The following NBEA variants were observed in gnomAD, a reference collection of about 807,000 sequenced individuals.
NBEA encodes neurobeachin.
In NBEA, 44 loss-of-function variants were observed where a neutral mutation model predicts 343.4. The ratio of observed to expected loss-of-function variants is 0.13; its 90% CI spans 0.10 to 0.16. NBEA has a LOEUF of 0.16. NBEA is among the 10% of genes least tolerant of loss of function. The probability of loss-of-function intolerance (pLI) is 1.00; values close to 1 mark genes in which losing one functional copy is unlikely to be tolerated. For missense variants in NBEA, 2,555 were observed against 3,631.3 expected (o/e 0.70, Z 7.62); for synonymous variants, 1,175 against 1,238.7 (o/e 0.95, Z 1.08).
At chr13:35,158,426 A>T (rs1348542051) in intron 21 of NBEA, among the ~76,000 whole-genome samples, 1 of 152,134 alleles carries the variant, frequency 6.6e-6, no homozygotes, top group Admixed American at 6.6e-5. Flanking sequence ...AAAGAAAAAG[A>T]CATTGCAGGT....
At position 35,590,713 on chromosome 13, in the gene NBEA, C is replaced by G. The variant is rs961858215; in HGVS notation, c.7177-2615C>G. ...AAACCTAGAGACAAGCCTGATCCCTCTAAATTAATCTCTGCCCACTACCTA... is the reference window on the plus strand; with the variant it reads ...AAACCTAGAGACAAGCCTGATCCCTGTAAATTAATCTCTGCCCACTACCTA... On this transcript the variant is annotated intron_variant, in intron 46 of 58. Transcript: ENST00000379939. 3.7e-4 allele frequency among the ~76,000 whole-genome samples: 57 copies of G among 152,210 alleles called. 1 individual carries two copies. The highest frequency in any genetic ancestry group is 1.3e-3 in the African/African-American group (54 of 41,536).
chr13:35,264,495 G>A (rs1317157508), intron 34 of NBEA, among the ~76,000 whole-genome samples: 1 of 151,838 alleles, frequency 6.6e-6, no homozygotes, highest in Non-Finnish European at 1.5e-5. Flanking sequence ...GCAAAAATCT[G>A]CAACAAAATA....
chr13:35,615,501 G>A (rs1359720575), intron 48 of NBEA, among the ~76,000 whole-genome samples: 5 of 151,848 alleles, frequency 3.3e-5, no homozygotes, highest in Admixed American at 6.6e-5. Flanking sequence ...GCACCACCAC[G>A]CCCGGCTAAT....
At chr13:35,431,969 A>T (rs1333802595) in intron 38 of NBEA, among the ~76,000 whole-genome samples, 1 of 152,114 alleles carries the variant, frequency 6.6e-6, no homozygotes. Context: ...TTTGTTACTA[A>T]ACTCCACATG....
At chr13:35,076,559 C>A (rs2064127063) in intron 10 of NBEA, among the ~76,000 whole-genome samples, 1 of 151,988 alleles carries the variant, frequency 6.6e-6, no homozygotes, top group Non-Finnish European at 1.5e-5. Flanking sequence ...GTTTTCAACA[C>A]TTAATTTTTC....
intron 38 of NBEA, among the ~76,000 whole-genome samples, chr13:35,389,423 T>C (rs1160998816): frequency 6.6e-6 from 1 of 152,192 alleles, no homozygotes; most frequent in Non-Finnish European, 1.5e-5. Flanking sequence ...TCCTTTATTA[T>C]TTAAATTCTA....
At chr13:34,951,202 CAT>C (rs3043036) in intron 1 of NBEA, among the ~76,000 whole-genome samples, 57,523 of 151,722 alleles carry the variant, frequency 0.38, 11,476 homozygotes, top group East Asian at 0.49. Flanking sequence ...TATGATATAA[CAT>C]GTGGCAACAA....
chr13:35,668,338 T>G (rs555629975), intron 57 of NBEA, 30 bp from the exon 58 acceptor site: 85 of 1,542,208 alleles, frequency 5.5e-5, no homozygotes, highest in African/African-American at 1.4e-4. Context: ...TTTTGTTTTT[T>G]TTTGTTTGTT....
chr13:35,644,958 G>C (rs983179519), intron 49 of NBEA, among the ~76,000 whole-genome samples: 2 of 152,204 alleles, frequency 1.3e-5, no homozygotes, highest in Non-Finnish European at 2.9e-5. Flanking sequence ...TGCCTCTGCA[G>C]ATAAAAGAAC....
At chr13:35,348,459 C>T (rs2040003304) in intron 36 of NBEA, among the ~76,000 whole-genome samples, 1 of 151,988 alleles carries the variant, frequency 6.6e-6, no homozygotes, top group Non-Finnish European at 1.5e-5. Context: ...TAAAATGTTA[C>T]TACACATTTT....
chr13:34,992,238 GTATA>G (rs60959090), intron 1 of NBEA, among the ~76,000 whole-genome samples: 281 of 122,126 alleles, frequency 2.3e-3, no homozygotes, highest in South Asian at 8.0e-3. Context: ...GTGTGTGTGT[GTATA>G]TATATATATA....
chr13:34,985,304 T>G (rs1320965692), intron 1 of NBEA, among the ~76,000 whole-genome samples: 1 of 151,048 alleles, frequency 6.6e-6, no homozygotes, highest in Non-Finnish European at 1.5e-5. Context: ...AATCATGTGG[T>G]TTTTGTCGTT....
intron 41 of NBEA, among the ~76,000 whole-genome samples, chr13:35,531,500 G>A (rs1411335424): frequency 6.6e-6 from 1 of 152,070 alleles, no homozygotes; most frequent in Non-Finnish European, 1.5e-5. Flanking sequence ...TGTCATTGGT[G>A]TAATAAGTAG....
chr13:34,947,432 C>T (rs953009401), intron 1 of NBEA, among the ~76,000 whole-genome samples: 19 of 152,086 alleles, frequency 1.2e-4, no homozygotes, highest in Non-Finnish European at 2.6e-4. Context: ...TTGGGTCTAA[C>T]AGACCCAGTG....
chr13:35,456,809 A>T (rs182832102), intron 40 of NBEA, among the ~76,000 whole-genome samples: 1 of 152,094 alleles, frequency 6.6e-6, no homozygotes, highest in Admixed American at 6.5e-5. Context: ...GAATGTATAT[A>T]GGTTCCTTAT....
At chr13:35,042,186 G>T (rs573301790) in intron 2 of NBEA, among the ~76,000 whole-genome samples, 24 of 151,834 alleles carry the variant, frequency 1.6e-4, no homozygotes, top group African/African-American at 5.5e-4. Flanking sequence ...CAAAAAATTT[G>T]ATTTTCTGAG....
chr13:35,255,355 G>C (rs2032467903), intron 34 of NBEA, among the ~76,000 whole-genome samples: 1 of 152,208 alleles, frequency 6.6e-6, no homozygotes, highest in African/African-American at 2.4e-5. Context: ...TTTTGCTCAG[G>C]CATGCTGGGC....
chr13:35,477,230 C>G (rs1209536067), intron 41 of NBEA: 1 of 166,434 alleles, frequency 6.0e-6, no homozygotes, highest in East Asian at 1.9e-4. Flanking sequence ...TCTGGATGTT[C>G]CTATATGTTA....
chr13:34,992,921 G>T (rs892980878), intron 1 of NBEA, among the ~76,000 whole-genome samples: 5 of 149,658 alleles, frequency 3.3e-5, no homozygotes, highest in Middle Eastern at 6.9e-3. Flanking sequence ...TTGACCTTGT[G>T]ATCCACCCGC....
Sources: allele counts gnomAD v4.1 joint callset (sites outside exome capture counted in the v4.1 genomes callset), GRCh38; gene constraint gnomAD v4.1.1; transcripts MANE v1.5; gene names NCBI Gene and HGNC (gene_info 2026-07-23, HGNC 2026-07-21).